TDRD5: variants seen among roughly 807,000 people sequenced by gnomAD.
TDRD5 encodes the protein tudor domain containing 5, also known as tudor domain-containing protein 5.
In TDRD5, 41 loss-of-function variants were observed where a neutral mutation model predicts 120.6. The observed-to-expected ratio is 0.34, with a 90% CI of 0.26 to 0.44. The LOEUF is 0.44. TDRD5 is among the 20% of genes least tolerant of loss of function. TDRD5 has a pLI of 1.00. For synonymous variants in TDRD5, 430 were observed against 433.7 expected, an observed-to-expected ratio of 0.99 and a Z score of 0.11; for missense variants, 1,006 against 1,221.2, an observed-to-expected ratio of 0.82 and a Z score of 2.63.
intron 11 of TDRD5, among the ~76,000 whole-genome samples, chr1:179,650,351 A>C (rs1191996357): frequency 6.8e-6 from 1 of 147,630 alleles, no homozygotes; most frequent in Non-Finnish European, 1.5e-5. Context: ...CAGTGAGCCG[A>C]GATCACGCCA....
intron 7 of TDRD5, among the ~76,000 whole-genome samples, chr1:179,631,796 T>C (rs1677460984): frequency 1.3e-5 from 2 of 151,918 alleles, no homozygotes; most frequent in Non-Finnish European, 2.9e-5. Context: ...AGAATGTCTT[T>C]TTTCTGTTTG....
chr1:179,658,224 G>A (rs961803152), intron 14 of TDRD5, among the ~76,000 whole-genome samples: 1 of 151,950 alleles, frequency 6.6e-6, no homozygotes, highest in Non-Finnish European at 1.5e-5. Flanking sequence ...TTCTTTATTT[G>A]TTTATTGATG....
At chr1:179,663,584 T>C in intron 16 of TDRD5, 93 bp downstream of exon 16, 1 of 1,475,628 alleles carries the variant, frequency 6.8e-7, no homozygotes, top group South Asian at 1.4e-5. Context: ...CATATTTTGA[T>C]ATTGCCTGTC....
intron 4 of TDRD5, among the ~76,000 whole-genome samples, chr1:179,604,078 A>G (rs1675850302): frequency 6.6e-6 from 1 of 152,022 alleles, no homozygotes; most frequent in African/African-American, 2.4e-5. Context: ...TGTTCAGGGT[A>G]TCCAATTCTT....
chr1:179,688,172 G>A (rs1680852467), intron 17 of TDRD5, among the ~76,000 whole-genome samples: 1 of 152,220 alleles, frequency 6.6e-6, no homozygotes, highest in Non-Finnish European at 1.5e-5. Flanking sequence ...CGTTTTTGCA[G>A]TGGCTGGTAC....
intron 17 of TDRD5, among the ~76,000 whole-genome samples, chr1:179,677,131 C>T (rs758605970): frequency 8.6e-5 from 13 of 151,852 alleles, no homozygotes; most frequent in Non-Finnish European, 1.6e-4. Flanking sequence ...TCTGCTTGTT[C>T]GATTCTATTG....
At chr1:179,685,054 T>A (rs1436087603) in intron 17 of TDRD5, among the ~76,000 whole-genome samples, 1 of 152,216 alleles carries the variant, frequency 6.6e-6, no homozygotes, top group African/African-American at 2.4e-5. Flanking sequence ...TTTAGTTAGA[T>A]CCCATTTGTC....
rs150023750 is a variant in TDRD5, at chr1:179,593,961, C to T, written c.640+94C>T. 96 of 1,462,790 alleles carry T rather than the reference C, an allele frequency of 6.6e-5. No homozygotes were observed. The East Asian group carries it at 1.6e-3, about 25-fold the overall frequency. The allele number at this position is 1,462,790 out of a possible 1,614,324, so 90.6% of individuals were successfully genotyped here. ...AGTTCGTTAGAGTTGAAGCCTGGCTCTACTACTTGCCAGCTGAGTGGTCTC... is the reference window on the plus strand; with the variant it reads ...AGTTCGTTAGAGTTGAAGCCTGGCTTTACTACTTGCCAGCTGAGTGGTCTC... On this transcript the variant is annotated intron_variant, in intron 3 of 17. Coordinates refer to ENST00000444136, the MANE Select transcript of TDRD5 (RefSeq NM_001199085.3).
intron 6 of TDRD5, among the ~76,000 whole-genome samples, chr1:179,627,295 TG>T (rs1276414884): frequency 6.6e-6 from 1 of 152,032 alleles, no homozygotes; most frequent in Admixed American, 6.6e-5. Context: ...AGAGAGACAT[TG>T]ATAAAAGGAC....
chr1:179,644,487 C>A (rs1385058311), intron 11 of TDRD5, among the ~76,000 whole-genome samples: 1 of 152,114 alleles, frequency 6.6e-6, no homozygotes, highest in Admixed American at 6.5e-5. Context: ...ATATGTAATA[C>A]TCATTTTGTA....
chr1:179,688,632 CAG>C (rs1418444696), intron 17 of TDRD5, among the ~76,000 whole-genome samples: 1 of 152,178 alleles, frequency 6.6e-6, no homozygotes, highest in African/African-American at 2.4e-5. Context: ...TAATATCCTG[CAG>C]AGTGTTTTCC....
chr1:179,620,893 T>C (rs1558384391), intron 5 of TDRD5, 142 bp from the exon 6 acceptor site: 2 of 589,174 alleles, frequency 3.4e-6, no homozygotes, highest in Admixed American at 4.4e-5. Context: ...AAACTCATTT[T>C]CAAAAAAAAA....
Position 179,690,682 on chromosome 1 carries a change from T to C in TDRD5, c.2861-14T>C, listed in dbSNP as rs1264854087. On this transcript the variant is annotated splice_polypyrimidine_tract_variant and intron_variant, in intron 17 of 17. Transcript: ENST00000444136. The stretch of plus-strand genomic sequence containing the variant: ...ACCCCTTGAAAAGATGTTTGTGTAC[T>C]CTTTCTTTTCCAGTGGAAAGCTCAC... The C allele has an allele frequency of 6.2e-7, 1 of 1,610,424 alleles. No individual in the cohort carries two copies. The highest frequency in any genetic ancestry group is 8.5e-7 in the Non-Finnish European group (1 of 1,177,890).
At position 179,593,658 on chromosome 1, in the gene TDRD5, C is replaced by T. The variant is rs755169262; in HGVS notation, c.431C>T (p.Ala144Val). The T allele has an allele frequency of 1.9e-6, 3 of 1,614,196 alleles. No homozygotes were observed. Among genetic ancestry groups the T allele is most frequent in the South Asian group, 1.1e-5 (1 of 91,080 alleles). ...VVKSELKDLL[A>V]LSPVLLSDFE... ...AAGAGTGAGTTGAAGGACCTGTTGG[C>T]GTTATCTCCTGTTCTTCTTTCTGAT... Residue 144 changes from alanine to valine, a missense_variant, in exon 3 of 18, where the codon GCG (alanine) becomes GTG (valine). Coordinates refer to ENST00000444136, the MANE Select transcript of TDRD5 (RefSeq NM_001199085.3).
chr1:179,647,587 C>T (rs1382195142), intron 11 of TDRD5, among the ~76,000 whole-genome samples: 4 of 151,650 alleles, frequency 2.6e-5, no homozygotes, highest in African/African-American at 4.8e-5. Flanking sequence ...CAACAAAAGC[C>T]AAAATTGACA....
rs548498088 is a variant in TDRD5 at position 179,670,215 on chromosome 1, C to T, written c.2860+811C>T. ...GACCAGCCTGGCCAAGATGATGAAA[C>T]CCCATCTGTACTAAAAATACAAAAA... On this transcript the variant is annotated intron_variant, in intron 17 of 17. Coordinates refer to ENST00000444136, the MANE Select transcript of TDRD5 (RefSeq NM_001199085.3). 1.6e-4 allele frequency among the ~76,000 whole-genome samples: 24 copies of T among 152,054 alleles called. 1 individual carries two copies. The South Asian group carries it at 4.6e-3, about 29-fold the overall frequency.
intron 17 of TDRD5, among the ~76,000 whole-genome samples, chr1:179,685,379 C>T (rs573929272): frequency 9.2e-5 from 14 of 152,218 alleles, no homozygotes; most frequent in Admixed American, 5.2e-4. Flanking sequence ...TTTCTGAGGC[C>T]TCTGTTCTGT....
In TDRD5 at chr1:179,640,049, CAAG is replaced by C. The variant is rs1343922611; in HGVS notation, c.1732_1733+1del. On this transcript the variant is annotated splice_donor_variant and coding_sequence_variant, in exon 10 of 18. Transcript: ENST00000444136. LOFTEE classifies it high-confidence loss of function. The stretch of plus-strand genomic sequence containing the variant: ...TTCAGAAGTCCTCCCTGAGGTTCCT[CAAG>C]TGAGTTGAATTGAATTAGAACAATG... 4 of 1,613,934 alleles carry C rather than the reference CAAG, an allele frequency of 2.5e-6. No individual in the cohort carries two copies. Among genetic ancestry groups the C allele is most frequent in the Non-Finnish European group, 3.4e-6 (4 of 1,179,888 alleles).
At chr1:179,599,833 T>A (rs1474665676) in intron 4 of TDRD5, among the ~76,000 whole-genome samples, 1 of 152,228 alleles carries the variant, frequency 6.6e-6, no homozygotes, top group African/African-American at 2.4e-5. Context: ...GGAAAATTCC[T>A]GCCACCTGGT....
Sources: allele counts gnomAD v4.1 joint callset (sites outside exome capture counted in the v4.1 genomes callset), GRCh38; gene constraint gnomAD v4.1.1; transcripts MANE v1.5; gene names NCBI Gene and HGNC (gene_info 2026-07-23, HGNC 2026-07-21).